SNX7: variants seen among roughly 807,000 people sequenced by gnomAD.
The protein encoded by SNX7 is sorting nexin 7.
Under a neutral mutation model 48.4 loss-of-function variants are expected in SNX7, and 35 were observed. That is an observed-to-expected ratio of 0.72 (90% CI 0.55 to 0.96). The LOEUF is 0.96. Among genes scored for constraint, SNX7 ranks in the 40% least tolerant of loss-of-function variants. SNX7 has a pLI of 0.00. For synonymous variants in SNX7, 190 were observed against 190.2 expected (o/e 1.00, Z 0.01); for missense variants, 553 against 548.9 (o/e 1.01, Z -0.07).
At chr1:98,704,170 G>A (rs9442145) in intron 7 of SNX7, among the ~76,000 whole-genome samples, 151,188 of 152,256 alleles carry the variant, frequency 0.99, 75,074 homozygotes, top group Middle Eastern at 1. Context: ...CTTAATCAGT[G>A]TATATTTATG....
intron 8 of SNX7, among the ~76,000 whole-genome samples, chr1:98,759,580 A>G (rs1655016934): frequency 6.6e-6 from 1 of 152,090 alleles, no homozygotes; most frequent in African/African-American, 2.4e-5. Context: ...CAGATTATAT[A>G]CATTTAATTC....
chr1:98,696,072 A>G (rs186743006), intron 5 of SNX7, among the ~76,000 whole-genome samples: 2 of 151,990 alleles, frequency 1.3e-5, no homozygotes, highest in East Asian at 3.9e-4. Flanking sequence ...TCTGGTAATT[A>G]TTTTTTTCTG....
In SNX7 at chr1:98,715,085, A is replaced by T. The variant is rs191458292; in HGVS notation, c.1125+13182A>T. Among the ~76,000 whole-genome samples, 179 of 152,276 alleles carry T rather than the reference A, an allele frequency of 1.2e-3. 1 individual carries two copies. The highest frequency in any genetic ancestry group is 4.2e-3 in the African/African-American group (174 of 41,562). ...GTACAACCATCAATATCAATAAGTT[A>T]TTGATATATTTATATTATCAAATGC... On this transcript the variant is annotated intron_variant, in intron 7 of 8. Coordinates refer to ENST00000306121, the MANE Select transcript of SNX7 (RefSeq NM_015976.5).
chr1:98,712,618 T>C (rs1256374057), intron 7 of SNX7, among the ~76,000 whole-genome samples: 1 of 152,084 alleles, frequency 6.6e-6, no homozygotes, highest in Non-Finnish European at 1.5e-5. Flanking sequence ...ACAGGCAGAG[T>C]AGATTTAGAG....
chr1:98,726,636 A>T (rs1352662984), intron 7 of SNX7, among the ~76,000 whole-genome samples: 1 of 148,992 alleles, frequency 6.7e-6, no homozygotes, highest in Non-Finnish European at 1.5e-5. Flanking sequence ...TTGAATATGG[A>T]GATATATTTC....
intron 8 of SNX7, among the ~76,000 whole-genome samples, chr1:98,752,588 A>G (rs1654642189): frequency 6.6e-6 from 1 of 152,062 alleles, no homozygotes; most frequent in Non-Finnish European, 1.5e-5. Flanking sequence ...AGAGCAATAG[A>G]AACCAAGATA....
chr1:98,682,691 A>G (rs1398716391), intron 1 of SNX7, among the ~76,000 whole-genome samples: 2 of 152,168 alleles, frequency 1.3e-5, no homozygotes, highest in African/African-American at 4.8e-5. Context: ...ATTGTTTCTT[A>G]AATCTTTAGG....
intron 7 of SNX7, among the ~76,000 whole-genome samples, chr1:98,727,765 C>T (rs1045925888): frequency 3.3e-5 from 5 of 151,632 alleles, no homozygotes; most frequent in African/African-American, 1.2e-4. Context: ...ACCGAATAGA[C>T]CAAGCGGAGG....
At chr1:98,737,363 C>G (rs1381038136) in intron 7 of SNX7, among the ~76,000 whole-genome samples, 1 of 152,052 alleles carries the variant, frequency 6.6e-6, no homozygotes, top group Non-Finnish European at 1.5e-5. Flanking sequence ...GCTGACAGTT[C>G]CCATTTTTTA....
chr1:98,728,894 A>C (rs948292984), intron 7 of SNX7, among the ~76,000 whole-genome samples: 6 of 152,216 alleles, frequency 3.9e-5, no homozygotes, highest in African/African-American at 1.4e-4. Context: ...ATCAAGACTG[A>C]AAATTAACAA....
chr1:98,678,798 C>A (rs763188085), intron 1 of SNX7, among the ~76,000 whole-genome samples: 1 of 152,038 alleles, frequency 6.6e-6, no homozygotes, highest in Non-Finnish European at 1.5e-5. Flanking sequence ...AGTCTATAGT[C>A]ATATAATTAA....
intron 7 of SNX7, among the ~76,000 whole-genome samples, chr1:98,728,864 C>A (rs1653337019): frequency 6.6e-6 from 1 of 152,136 alleles, no homozygotes; most frequent in Non-Finnish European, 1.5e-5. Context: ...TAACTTACCA[C>A]TTTCAGTATT....
intron 7 of SNX7, among the ~76,000 whole-genome samples, chr1:98,706,713 G>A (rs1652025360): frequency 2.0e-5 from 3 of 152,114 alleles, no homozygotes; most frequent in Admixed American, 6.6e-5. Flanking sequence ...CAGAAGTGAT[G>A]TTAAGGGGTC....
At chr1:98,672,933 A>AAAAG (rs1649958416) in intron 1 of SNX7, among the ~76,000 whole-genome samples, 2 of 68,500 alleles carry the variant, frequency 2.9e-5, no homozygotes, top group Admixed American at 1.4e-4. Flanking sequence ...TCCGTCTCAA[A>AAAAG]AAAAAAAAAA....
chr1:98,698,515 T>C (rs887816694), intron 5 of SNX7, among the ~76,000 whole-genome samples, 191 bp from the exon 6 acceptor site: 2 of 152,128 alleles, frequency 1.3e-5, no homozygotes, highest in African/African-American at 4.8e-5. Flanking sequence ...ACAGTAGTCA[T>C]TCAAAGACTG....
At chr1:98,697,804 G>A (rs1651541838) in intron 5 of SNX7, among the ~76,000 whole-genome samples, 1 of 152,098 alleles carries the variant, frequency 6.6e-6, no homozygotes, top group Non-Finnish European at 1.5e-5. Context: ...GAGGGCCAAA[G>A]CATCTATGAA....
At position 98,691,167 on chromosome 1, in the gene SNX7, C is replaced by G. The variant is rs745605223; in HGVS notation, c.456C>G (p.His152Gln). ...LWLKGKLEEAHPTLIIPPLPE... is the reference protein window; with the variant it reads ...LWLKGKLEEAQPTLIIPPLPE... ...TGAAGGGAAAACTGGAAGAAGCACA[C>G]CCCACTCTGATTATTCCAGTAAGTT... Residue 152 changes from histidine to glutamine, a missense_variant, in exon 3 of 9, where the codon CAC becomes CAG. His to Gln is a conservative substitution (Grantham distance 24, BLOSUM62 0). Coordinates refer to ENST00000306121, the MANE Select transcript of SNX7 (RefSeq NM_015976.5). The G allele has an allele frequency of 6.2e-7, 1 of 1,607,554 alleles. No individual in the cohort carries two copies. The highest frequency in any genetic ancestry group is 8.5e-7 in the Non-Finnish European group (1 of 1,176,368).
At chr1:98,688,657 G>T (rs1027405983) in intron 2 of SNX7, among the ~76,000 whole-genome samples, 2 of 152,074 alleles carry the variant, frequency 1.3e-5, no homozygotes, top group African/African-American at 4.8e-5. Context: ...ATGCTTTTGG[G>T]GGTAGAGATC....
chr1:98,690,120 G>A (rs559468621), intron 2 of SNX7, among the ~76,000 whole-genome samples: 1 of 152,218 alleles, frequency 6.6e-6, no homozygotes, highest in East Asian at 1.9e-4. Context: ...CTGTGTGGGT[G>A]ATGGATATTT....
Sources: allele counts gnomAD v4.1 joint callset (sites outside exome capture counted in the v4.1 genomes callset), GRCh38; gene constraint gnomAD v4.1.1; transcripts MANE v1.5; gene names NCBI Gene and HGNC (gene_info 2026-07-23, HGNC 2026-07-21).